NOS1: variants seen among roughly 807,000 people sequenced by gnomAD.
NOS1 encodes the protein nitric oxide synthase 1.
A neutral mutation model predicts 164.5 loss-of-function variants in NOS1; 51 were observed. The observed-to-expected ratio is 0.31, with a 90% CI of 0.25 to 0.39. NOS1 has a LOEUF of 0.39. Ranked by LOEUF, NOS1 falls within the 10% of genes least tolerant of loss-of-function variation. The pLI is 1.00. For synonymous variants in NOS1, 719 were observed against 745.8 expected (o/e 0.96, Z 0.59); for missense variants, 1,362 against 1,885.6 (o/e 0.72, Z 5.14).
Position 117,331,240 on chromosome 12 carries a change from A to C in NOS1, c.-171T>G. On this transcript the variant is annotated 5_prime_UTR_variant, in exon 2 of 29. Transcript: ENST00000317775. ...CTTTGACGTCAGCTCAGCGTCACCC[A>C]CTCATGGCTGGTGGCCCGTCGGTGG... 1.3e-6 allele frequency: 1 copy of C among 754,646 alleles called. No individual in the cohort carries two copies. Among genetic ancestry groups the C allele is most frequent in the South Asian group, 2.0e-5 (1 of 48,972 alleles). The allele number at this position is 754,646 out of a possible 1,614,324, so 46.7% of individuals were successfully genotyped here.
rs56004169 is a variant in NOS1 at position 117,330,329 on chromosome 12, C to CA, written c.725+15_725+16insT. ...ACACACACACACACACACACACACACCCCTGTGGAGCTTACCTGTCCACCT... is the reference window on the plus strand; with the variant it reads ...ACACACACACACACACACACACACACACCCTGTGGAGCTTACCTGTCCACCT... On this transcript the variant is annotated intron_variant, in intron 2 of 28. Transcript: ENST00000317775. The surrounding 1 kb of genome is among the most constrained non-coding windows in gnomAD (Gnocchi z 4.6). 7.5e-6 allele frequency: 12 copies of CA among 1,597,364 alleles called. No homozygotes were observed. Among genetic ancestry groups the CA allele is most frequent in the East Asian group, 2.3e-5 (1 of 44,306 alleles).
At chr12:117,325,873 C>T (rs1439032443) in intron 2 of NOS1, among the ~76,000 whole-genome samples, 1 of 152,182 alleles carries the variant, frequency 6.6e-6, no homozygotes, top group Non-Finnish European at 1.5e-5. Context: ...TGTCTGAGCA[C>T]TGATATGTTA....
intron 18 of NOS1, among the ~76,000 whole-genome samples, chr12:117,246,530 C>A (rs57216246): frequency 6.6e-6 from 1 of 152,120 alleles, no homozygotes. Context: ...GCATGTCGAA[C>A]GTCCACAAGG....
chr12:117,311,529 A>G lies in NOS1; in HGVS notation c.789T>C (p.Asn263=), dbSNP rs777894851. ...PLGVENDRVF[N]DLWGKGNVPV... is the part of the protein sequence containing the mutation. The stretch of plus-strand genomic sequence containing the variant: ...GCACATTGCCCTTCCCCCATAGGTC[A>G]TTGAAGACTCGGTCGTTCTCCACGC... The change falls in exon 3 of 29, where the codon AAT becomes AAC. Residue 263 remains asparagine (N), a synonymous_variant. Transcript: ENST00000317775. 9 of 1,612,790 alleles carry G rather than the reference A, an allele frequency of 5.6e-6. No individual in the cohort carries two copies. In the South Asian group the frequency reaches 9.9e-5, roughly 18 times the overall value.
chr12:117,334,395 C>T (rs1875699995), intron 1 of NOS1, among the ~76,000 whole-genome samples: 1 of 151,934 alleles, frequency 6.6e-6, no homozygotes, highest in African/African-American at 2.4e-5. Flanking sequence ...TGAGCTCTGT[C>T]AATTAGCTTC....
In NOS1 at chr12:117,218,068, C is replaced by A. The variant is rs770839346; in HGVS notation, c.4267G>T (p.Glu1423Ter). ...LRSESIAFIE[E>*]SKKDTDEVFS... ...TACTCATCGGTGTCTTTTTTGCTCT[C>A]TTCAATGAAGGCAATGGACTCAGAT... Residue 1423 changes from glutamate (E) to a stop codon, truncating the protein, a stop_gained, in exon 28 of 29, where the codon GAG (glutamate) becomes TAG (stop). Transcript: ENST00000317775. LOFTEE classifies it high-confidence loss of function. 1.2e-6 allele frequency: 2 copies of A among 1,614,016 alleles called. No individual in the cohort carries two copies.
At chr12:117,290,870 C>T (rs1199314460) in intron 3 of NOS1, among the ~76,000 whole-genome samples, 1 of 152,054 alleles carries the variant, frequency 6.6e-6, no homozygotes, top group African/African-American at 2.4e-5. Flanking sequence ...CTGTGACAGT[C>T]CAAACTCACC....
At chr12:117,305,475 AAAAG>A (rs1200175876) in intron 3 of NOS1, among the ~76,000 whole-genome samples, 1 of 151,886 alleles carries the variant, frequency 6.6e-6, no homozygotes, top group Non-Finnish European at 1.5e-5. Context: ...AAAAAAAAAA[AAAAG>A]AAGCTGATTC....
intron 28 of NOS1, 136 bp from the exon 29 acceptor site, chr12:117,215,460 G>A (rs1956592238): frequency 5.4e-5 from 60 of 1,120,838 alleles, no homozygotes; most frequent in Non-Finnish European, 6.6e-5. Flanking sequence ...TTTTTGAGAC[G>A]GAGTTTCGCT....
At chr12:117,326,951 A>T (rs1236027767) in intron 2 of NOS1, among the ~76,000 whole-genome samples, 2 of 152,122 alleles carry the variant, frequency 1.3e-5, no homozygotes, top group African/African-American at 4.8e-5. Flanking sequence ...GAGGGGAAGG[A>T]CCCAGCTCCC....
At chr12:117,276,944 C>A (rs1193966479) in intron 9 of NOS1, among the ~76,000 whole-genome samples, 2 of 152,122 alleles carry the variant, frequency 1.3e-5, no homozygotes, top group Non-Finnish European at 2.9e-5. Flanking sequence ...CTGCAACAAA[C>A]AAAAGGGTAC....
chr12:117,221,582 C>A (rs1290006710), intron 26 of NOS1, among the ~76,000 whole-genome samples: 1 of 151,812 alleles, frequency 6.6e-6, no homozygotes, highest in African/African-American at 2.4e-5. Flanking sequence ...CCACACCCGG[C>A]CTAAATTTGT....
At chr12:117,327,428 C>T (rs916326442) in intron 2 of NOS1, among the ~76,000 whole-genome samples, 2 of 152,210 alleles carry the variant, frequency 1.3e-5, no homozygotes, top group Non-Finnish European at 2.9e-5. Flanking sequence ...ATGAGCTGGA[C>T]TACTGGGAGA....
Position 117,272,832 on chromosome 12 carries a change from G to T in NOS1, c.1665-273C>A, listed in dbSNP as rs1001753077. On this transcript the variant is annotated intron_variant, in intron 9 of 28. Transcript: ENST00000317775. The surrounding 1 kb of genome is among the most constrained non-coding windows in gnomAD (Gnocchi z 4.3). ...GCTGTTTCTCTCTCAAACCCACCCT[G>T]AAAGTGAGTCCAGGAGAAAGTGTGG... Among the ~76,000 whole-genome samples the T allele has an allele frequency of 5.3e-5, 8 of 152,210 alleles. No homozygotes were observed. Among genetic ancestry groups the T allele is most frequent in the Admixed American group, 2.0e-4 (3 of 15,284 alleles).
chr12:117,215,189 C>G lies in NOS1; in HGVS notation c.*120G>C. 1 of 1,341,978 alleles carries G rather than the reference C, an allele frequency of 7.5e-7. No individual in the cohort carries two copies. 83.1% of individuals were successfully genotyped at this position (1,341,978 alleles called of 1,614,324 possible). ...GGGGCGAGAAGCCCGAGGAGGGAAA[C>G]CAGGGCACAGCGACAAGGACAGGAG... On this transcript the variant is annotated 3_prime_UTR_variant, in exon 29 of 29. Coordinates refer to ENST00000317775, the MANE Select transcript of NOS1 (RefSeq NM_000620.5).
chr12:117,245,281 T>C (rs1870533031), intron 18 of NOS1, among the ~76,000 whole-genome samples: 1 of 152,166 alleles, frequency 6.6e-6, no homozygotes, highest in South Asian at 2.1e-4. Flanking sequence ...CTACATTTAT[T>C]ACCACCTCCC....
chr12:117,236,884 A>G (rs542056676), intron 20 of NOS1, among the ~76,000 whole-genome samples: 1 of 152,344 alleles, frequency 6.6e-6, no homozygotes, highest in African/African-American at 2.4e-5. Flanking sequence ...GACAAGGAGC[A>G]GGCATGGGAA....
chr12:117,253,971 C>T (rs575705614), intron 16 of NOS1, among the ~76,000 whole-genome samples: 1 of 152,144 alleles, frequency 6.6e-6, no homozygotes, highest in Non-Finnish European at 1.5e-5. Flanking sequence ...TTAACTGGTA[C>T]TAAAAAGGTT....
rs1189295047 is a variant in NOS1 at position 117,234,027 on chromosome 12, G to A, written c.3235+538C>T. ...GAGCCCACCTGTGCTCCTGGATGAA[G>A]CACTGAGACCCATTTGCCTTTGAAA... On this transcript the variant is annotated intron_variant, in intron 21 of 28. Coordinates refer to ENST00000317775, the MANE Select transcript of NOS1 (RefSeq NM_000620.5). The surrounding 1 kb of genome is among the most constrained non-coding windows in gnomAD (Gnocchi z 4.3). Among the ~76,000 whole-genome samples, 1 of 152,130 alleles carries A rather than the reference G, an allele frequency of 6.6e-6. No individual in the cohort carries two copies. Among genetic ancestry groups the A allele is most frequent in the Non-Finnish European group, 1.5e-5 (1 of 68,036 alleles).
Sources: gnomAD v4.1 joint callset for allele counts (sites outside exome capture counted in the v4.1 genomes callset) on GRCh38, gnomAD v4.1.1 for gene constraint, Gnocchi (gnomAD v3.1) non-coding constraint, MANE v1.5 for transcripts, NCBI Gene and HGNC (gene_info 2026-07-23, HGNC 2026-07-21) for gene names.